The following ICE2 variants were observed in gnomAD, a reference collection of about 807,000 sequenced individuals.
The protein encoded by ICE2 is interactor of little elongation complex ELL subunit 2, also known as little elongation complex subunit 2.
ICE2 carries 87 observed loss-of-function variants against 105.4 expected under a neutral mutation model. The ratio of observed to expected loss-of-function variants is 0.83; its 90% confidence interval spans 0.69 to 0.99. The LOEUF (loss-of-function observed/expected upper bound fraction) is 0.99. Among genes scored for constraint, ICE2 ranks in the 50% least tolerant of loss-of-function variants. The pLI is 0.00. For synonymous variants in ICE2, 399 were observed against 392.0 expected, an observed-to-expected ratio of 1.02 and a Z score of -0.21; for missense variants, 1,323 against 1,146.7, an observed-to-expected ratio of 1.15 and a Z score of -2.22.
chr15:60,449,291 T>C lies in ICE2; in HGVS notation c.1676A>G (p.Glu559Gly). ...DNSKEKTVGSEAAKTEDTVLC... is the reference protein window; with the variant it reads ...DNSKEKTVGSGAAKTEDTVLC... ...AACTGTATCTTCAGTTTTTGCTGCT[T>C]CTGATCCAACAGTCTTTTCCTTTGA... The change falls in exon 10 of 16, where the codon GAA (glutamate) becomes GGA (glycine). Residue 559 changes from glutamate to glycine, a missense_variant. By Grantham distance (98) the Glu-to-Gly change is moderately conservative. Transcript: ENST00000261520. 1 of 1,613,256 alleles carries C rather than the reference T, an allele frequency of 6.2e-7. No individual in the cohort carries two copies. Among genetic ancestry groups the C allele is most frequent in the Non-Finnish European group, 8.5e-7 (1 of 1,180,018 alleles).
intron 12 of ICE2, among the ~76,000 whole-genome samples, chr15:60,436,962 T>C (rs2063607035): frequency 6.6e-6 from 1 of 152,134 alleles, no homozygotes; most frequent in African/African-American, 2.4e-5. Flanking sequence ...GCTTAATATT[T>C]TTTAATTAGA....
rs1305101982 is a variant in ICE2, at chr15:60,421,561, A to C, written c.*2073T>G. ...ATGATGTAAAAAGTAATATTTAAAA[A>C]TTAAAAGGCAAGTCTTTCTGGTATT... On this transcript the variant is annotated 3_prime_UTR_variant, in exon 16 of 16. Coordinates refer to ENST00000261520, the MANE Select transcript of ICE2 (RefSeq NM_024611.6). The C allele has an allele frequency of 6.6e-6, 1 of 152,248 alleles. No individual in the cohort carries two copies. Among genetic ancestry groups the C allele is most frequent in the African/African-American group, 2.4e-5 (1 of 41,460 alleles). 9.4% of individuals were successfully genotyped at this position (152,248 alleles called of 1,614,324 possible). A position where few individuals can be genotyped will look rare whatever the true frequency, so the allele number is the denominator to read the frequency against.
intron 14 of ICE2, among the ~76,000 whole-genome samples, chr15:60,430,443 A>G (rs149008447): frequency 1.3e-4 from 10 of 75,800 alleles, no homozygotes; most frequent in African/African-American, 3.4e-4. Context: ...GTGTTGTTTT[A>G]TAATCTTAAT....
At chr15:60,445,602 A>G (rs767923025) in intron 11 of ICE2, 297 of 968,070 alleles carry the variant, frequency 3.1e-4, no homozygotes, top group Non-Finnish European at 3.4e-4. Flanking sequence ...CTATTTTGAC[A>G]TATTTTGATG....
At chr15:60,469,214 A>G (rs2064514818) in intron 3 of ICE2, among the ~76,000 whole-genome samples, 1 of 152,218 alleles carries the variant, frequency 6.6e-6, no homozygotes, top group Non-Finnish European at 1.5e-5. Flanking sequence ...ACCAAACACC[A>G]CATGTTCTCA....
intron 14 of ICE2, among the ~76,000 whole-genome samples, chr15:60,431,249 C>A (rs1300791867): frequency 2.0e-5 from 3 of 151,876 alleles, no homozygotes; most frequent in African/African-American, 7.3e-5. Context: ...TGGTCTCCCA[C>A]CATGATGTCC....
rs768225856 is a variant in ICE2 at position 60,455,330 on chromosome 15, T to TA, written c.778_779insT (p.His260LeufsTer3). On this transcript the variant is annotated frameshift_variant, in exon 7 of 16. Transcript: ENST00000261520. LOFTEE classifies it high-confidence loss of function. ...CAATGTTGCCTTGGTACTTACATAATGCATAGCTTCAGCTGTTTGTTCTGA... is the reference window on the plus strand; with the variant it reads ...CAATGTTGCCTTGGTACTTACATAATAGCATAGCTTCAGCTGTTTGTTCTGA... 1 of 1,610,078 alleles carries TA rather than the reference T, an allele frequency of 6.2e-7. No individual in the cohort carries two copies. The highest frequency in any genetic ancestry group is 8.5e-7 in the Non-Finnish European group (1 of 1,176,576).
chr15:60,445,423 T>C (rs908835819), intron 11 of ICE2: 3 of 251,858 alleles, frequency 1.2e-5, no homozygotes, highest in Non-Finnish European at 1.9e-5. Context: ...CAGAGATGAA[T>C]AGGACATAAT....
intron 2 of ICE2, among the ~76,000 whole-genome samples, chr15:60,476,445 A>C (rs2064764613): frequency 6.6e-6 from 1 of 152,210 alleles, no homozygotes; most frequent in Admixed American, 6.5e-5. Flanking sequence ...TGTCACAGAG[A>C]CTGGAAAGTT....
At chr15:60,434,520 T>TACACAC (rs71122858) in intron 13 of ICE2, among the ~76,000 whole-genome samples, 2,199 of 144,810 alleles carry the variant, frequency 0.015, 24 homozygotes, top group Middle Eastern at 0.018. Flanking sequence ...AAAATGTGAT[T>TACACAC]ACACACACAC....
intron 3 of ICE2, among the ~76,000 whole-genome samples, chr15:60,472,797 G>A (rs375404644): frequency 2.0e-5 from 3 of 152,084 alleles, no homozygotes. Context: ...AGTCTAGCCT[G>A]GGCAACATGG....
chr15:60,463,154 A>G (rs560753972), intron 5 of ICE2, among the ~76,000 whole-genome samples: 1 of 152,320 alleles, frequency 6.6e-6, no homozygotes, highest in African/African-American at 2.4e-5. Context: ...GATGAGGTGT[A>G]TGCATCTTTA....
intron 5 of ICE2, 108 bp from the exon 6 acceptor site, chr15:60,456,902 G>T (rs918022995): frequency 1.9e-6 from 1 of 515,130 alleles, no homozygotes; most frequent in Non-Finnish European, 3.3e-6. Flanking sequence ...AAATTAGCCC[G>T]ATTTCATTAA....
Position 60,456,578 on chromosome 15 carries a change from T to C in ICE2, c.666+79A>G, listed in dbSNP as rs536449233. 4.4e-3 allele frequency: 508 copies of C among 114,528 alleles called. 17 individuals carry two copies. Among genetic ancestry groups the C allele is most frequent in the Admixed American group, 0.029 (200 of 6,992 alleles). The allele number at this position is 114,528 out of a possible 1,614,324, so 7.1% of individuals were successfully genotyped here. A position where few individuals can be genotyped will look rare whatever the true frequency, so the allele number is the denominator to read the frequency against. On this transcript the variant is annotated intron_variant, in intron 6 of 15. Coordinates refer to ENST00000261520, the MANE Select transcript of ICE2 (RefSeq NM_024611.6). ...AAATAAATAAATAAATATATATATA[T>C]ATATATACACACACACACACACACA... is the stretch of plus-strand genomic sequence containing the variant.
Position 60,428,595 on chromosome 15 carries a change from G to A in ICE2, c.2654C>T (p.Ala885Val). ...KASDGKVTRTAYNLYKTHCGL... is the reference protein window; with the variant it reads ...KASDGKVTRTVYNLYKTHCGL... ...GCAATGTGTTTTATACAAATTGTAT[G>A]CTGTCCTAGTAACTTTTCCATCAGA... Residue 885 changes from alanine (A) to valine (V), a missense_variant, in exon 15 of 16, where the codon GCA becomes GTA. Coordinates refer to ENST00000261520, the MANE Select transcript of ICE2 (RefSeq NM_024611.6). 1 of 1,614,142 alleles carries A rather than the reference G, an allele frequency of 6.2e-7. No homozygotes were observed. The highest frequency in any genetic ancestry group is 8.5e-7 in the Non-Finnish European group (1 of 1,180,010).
At chr15:60,454,648 A>G (rs1294531750) in intron 8 of ICE2, 1 of 166,718 alleles carries the variant, frequency 6.0e-6, no homozygotes, top group Non-Finnish European at 1.3e-5. Flanking sequence ...CTGACCACCT[A>G]TATTTAGACA....
chr15:60,466,661 T>C lies in ICE2; in HGVS notation c.461A>G (p.Gln154Arg). ...CTGCGCACATTTCTTTGCAGAATTC[T>C]GCAAAAACTTTAGGAACTCAGTAAC... ...EEVTEFLKFL[Q>R]NSAKKCAQDY... Residue 154 changes from glutamine (Q) to arginine (R), a missense_variant, in exon 5 of 16, where the codon CAG (glutamine) becomes CGG (arginine). Transcript: ENST00000261520. The C allele has an allele frequency of 1.2e-6, 2 of 1,611,212 alleles. No homozygotes were observed. The highest frequency in any genetic ancestry group is 1.7e-6 in the Non-Finnish European group (2 of 1,179,564).
chr15:60,469,191 G>T (rs906057305), intron 3 of ICE2, among the ~76,000 whole-genome samples: 1 of 152,140 alleles, frequency 6.6e-6, no homozygotes, highest in Non-Finnish European at 1.5e-5. Flanking sequence ...GCAAACTAAC[G>T]CATGAACAGA....
At chr15:60,447,944 T>A (rs776739928) in intron 11 of ICE2, 26 bp downstream of exon 11, 1 of 1,584,036 alleles carries the variant, frequency 6.3e-7, no homozygotes, top group Non-Finnish European at 8.6e-7. Flanking sequence ...TGTGATCATA[T>A]TCTAACTCCG....
Sources: allele counts gnomAD v4.1 joint callset (sites outside exome capture counted in the v4.1 genomes callset), GRCh38; gene constraint gnomAD v4.1.1; transcripts MANE v1.5; gene names NCBI Gene and HGNC (gene_info 2026-07-23, HGNC 2026-07-21).